Variants in GRM7 observed in about 807,000 individuals in gnomAD.
GRM7 encodes glutamate metabotropic receptor 7.
In GRM7, 35 loss-of-function variants were observed where a neutral mutation model predicts 84.5. The observed-to-expected ratio is 0.41, with a 90% CI of 0.32 to 0.55. The LOEUF is 0.55. Among genes scored for constraint, GRM7 ranks in the 20% least tolerant of loss-of-function variants. The pLI is 0.19. For missense variants in GRM7, 1,003 were observed against 1,194.6 expected (o/e 0.84, Z 2.36); for synonymous variants, 487 against 455.1 (o/e 1.07, Z -0.89).
intron 8 of GRM7, among the ~76,000 whole-genome samples, chr3:7,628,858 T>C (rs1265730172): frequency 6.6e-6 from 1 of 152,210 alleles, no homozygotes; most frequent in Non-Finnish European, 1.5e-5. Context: ...GAGGTAACAC[T>C]GAACAATGAC....
At chr3:7,285,399 C>G (rs1699395246) in intron 2 of GRM7, among the ~76,000 whole-genome samples, 3 of 152,140 alleles carry the variant, frequency 2.0e-5, no homozygotes, top group African/African-American at 7.2e-5. Context: ...TGTCTCCAAT[C>G]AAACCTGTGT....
intron 4 of GRM7, among the ~76,000 whole-genome samples, chr3:7,411,410 A>T (rs1349210231): frequency 1.3e-5 from 2 of 152,146 alleles, no homozygotes; most frequent in Non-Finnish European, 2.9e-5. Context: ...TAGCAGAAGG[A>T]TAGATGCCCC....
In GRM7 at chr3:7,356,160, A is replaced by G. The variant is rs57993449; in HGVS notation, c.1033+49508A>G. Among the ~76,000 whole-genome samples the G allele has an allele frequency of 6.1e-3, 932 of 152,238 alleles. 6 individuals carry two copies. The highest frequency in any genetic ancestry group is 0.021 in the African/African-American group (878 of 41,554). On this transcript the variant is annotated intron_variant, in intron 4 of 9. Transcript: ENST00000357716. ...GCTTTAGCTGGATGGTCAGGGACTT[A>G]GAAGGAGCATGATGGGCAAATTGGT...
At chr3:7,578,283 A>G (rs745971386) in intron 7 of GRM7, 139 bp from the exon 8 acceptor site, 4 of 620,868 alleles carry the variant, frequency 6.4e-6, no homozygotes, top group Non-Finnish European at 1.2e-5. Context: ...TCATACTTGT[A>G]ACTCTTGCAA....
rs552290977 is a variant in GRM7, at chr3:7,560,576, C to T, written c.1516-17846C>T. On this transcript the variant is annotated intron_variant, in intron 7 of 9. Coordinates refer to ENST00000357716, the MANE Select transcript of GRM7 (RefSeq NM_000844.4). ...AAAATTCAGAGTCTCAAGCCCACTCCAGGCCAACTGAATTCAAATCTGCAT... is the reference window on the plus strand; with the variant it reads ...AAAATTCAGAGTCTCAAGCCCACTCTAGGCCAACTGAATTCAAATCTGCAT... 3.9e-5 allele frequency among the ~76,000 whole-genome samples: 6 copies of T among 152,202 alleles called. No homozygotes were observed. In the East Asian group the frequency reaches 1.2e-3, roughly 29 times the overall value.
intron 7 of GRM7, among the ~76,000 whole-genome samples, chr3:7,469,974 C>A (rs1358202877): frequency 2.0e-5 from 3 of 152,128 alleles, no homozygotes; most frequent in Non-Finnish European, 4.4e-5. Flanking sequence ...ATGTTTTTGA[C>A]TTATCTTTAA....
At chr3:7,266,304 A>G (rs1416491564) in intron 2 of GRM7, among the ~76,000 whole-genome samples, 1 of 152,226 alleles carries the variant, frequency 6.6e-6, no homozygotes, top group Non-Finnish European at 1.5e-5. Context: ...TTCAAAAGAA[A>G]GCATTGAGTT....
rs2125103535 is a variant in GRM7, at chr3:7,188,727, T to C, written c.736+42059T>C. 6.6e-6 allele frequency among the ~76,000 whole-genome samples: 1 copy of C among 152,212 alleles called. No homozygotes were observed. The highest frequency in any genetic ancestry group is 2.4e-5 in the African/African-American group (1 of 41,546). On this transcript the variant is annotated intron_variant, in intron 2 of 9. Transcript: ENST00000357716. This position sits in a 1 kb window ranked among gnomAD's most constrained non-coding sequence, Gnocchi z 4.2. The stretch of plus-strand genomic sequence containing the variant: ...ATTCCTGTACTATTCAAGGCATCTG[T>C]TTTCTATTGGTGGACAGCTTTCTCC...
chr3:7,658,916 G>A (rs1010396637), intron 8 of GRM7, among the ~76,000 whole-genome samples: 2 of 152,080 alleles, frequency 1.3e-5, no homozygotes, highest in Non-Finnish European at 2.9e-5. Flanking sequence ...TTTGAAAGGT[G>A]AATACTATCA....
chr3:7,312,279 G>A (rs2136149), intron 4 of GRM7, among the ~76,000 whole-genome samples: 54,953 of 151,800 alleles, frequency 0.36, 10,683 homozygotes, highest in Middle Eastern at 0.47. Context: ...GCAATGCAAA[G>A]GAGGGGCTTC....
intron 7 of GRM7, among the ~76,000 whole-genome samples, chr3:7,464,501 G>T (rs1402207307): frequency 6.6e-6 from 1 of 152,044 alleles, no homozygotes; most frequent in Non-Finnish European, 1.5e-5. Context: ...TAAGAGAAGA[G>T]CAGAGAACCC....
At chr3:7,046,771 G>A (rs780194206) in intron 1 of GRM7, among the ~76,000 whole-genome samples, 3 of 152,042 alleles carry the variant, frequency 2.0e-5, no homozygotes, top group South Asian at 2.1e-4. Context: ...GATGGATAGC[G>A]CTTCAGTTTC....
chr3:7,133,959 T>C (rs577941619), intron 1 of GRM7, among the ~76,000 whole-genome samples: 7 of 152,282 alleles, frequency 4.6e-5, no homozygotes, highest in Middle Eastern at 3.4e-3. Context: ...TGGAAAAAAG[T>C]ATTTCTCTAA....
chr3:7,108,492 C>T (rs939514934), intron 1 of GRM7, among the ~76,000 whole-genome samples: 1 of 125,866 alleles, frequency 7.9e-6, no homozygotes, highest in Admixed American at 7.4e-5. Flanking sequence ...TGGACTCAAC[C>T]ATTTTTTTTT....
intron 4 of GRM7, among the ~76,000 whole-genome samples, chr3:7,364,809 C>T (rs770913568): frequency 5.3e-5 from 8 of 151,812 alleles, no homozygotes; most frequent in Non-Finnish European, 1.0e-4. Context: ...GCTTATAAAT[C>T]GCTTACTATT....
chr3:7,048,447 AT>A (rs1196056401), intron 1 of GRM7, among the ~76,000 whole-genome samples: 2 of 151,786 alleles, frequency 1.3e-5, no homozygotes, highest in Non-Finnish European at 2.9e-5. Flanking sequence ...TGATGTTTGT[AT>A]TTTTGTTTTG....
At chr3:7,348,620 A>G (rs1692996428) in intron 4 of GRM7, among the ~76,000 whole-genome samples, 1 of 152,140 alleles carries the variant, frequency 6.6e-6, no homozygotes, top group South Asian at 2.1e-4. Context: ...TCAAGGACCC[A>G]GACTCCTCTG....
rs144387565 is a variant in GRM7 at position 6,862,490 on chromosome 3, G to A, written c.519+583G>A. The stretch of plus-strand genomic sequence containing the variant: ...ATTTCCCGACCTGTAGCCAGCCTCC[G>A]CGAGAGCCCAGGGCGCGAGGTGCTG... On this transcript the variant is annotated intron_variant, in intron 1 of 9. Transcript: ENST00000357716. This position sits in a 1 kb window ranked among gnomAD's most constrained non-coding sequence, Gnocchi z 5.2. Among the ~76,000 whole-genome samples the A allele has an allele frequency of 4.6e-4, 70 of 152,278 alleles. No homozygotes were observed. Among genetic ancestry groups the A allele is most frequent in the Middle Eastern group, 3.4e-3 (1 of 294 alleles).
intron 1 of GRM7, among the ~76,000 whole-genome samples, chr3:7,120,233 G>A (rs1179402359): frequency 6.6e-6 from 1 of 152,002 alleles, no homozygotes; most frequent in Non-Finnish European, 1.5e-5. Context: ...AAACCTATTA[G>A]TCAAGAACGG....
Sources: allele counts gnomAD v4.1 joint callset (sites outside exome capture counted in the v4.1 genomes callset), GRCh38; gene constraint gnomAD v4.1.1; non-coding constraint Gnocchi (gnomAD v3.1); transcripts MANE v1.5; gene names NCBI Gene and HGNC (gene_info 2026-07-23, HGNC 2026-07-21).